The following TSPAN1 variants were observed in gnomAD, a reference collection of about 807,000 sequenced individuals.
The protein encoded by TSPAN1 is tetraspanin-1.
A neutral mutation model predicts 26.9 loss-of-function variants in TSPAN1; 23 were observed. The observed-to-expected ratio is 0.85, with a 90% CI of 0.62 to 1.21. The LOEUF is 1.21. Ranked by LOEUF, TSPAN1 falls within the 50% of genes most tolerant of loss-of-function variation. The probability of loss-of-function intolerance (pLI) is 0.00; values close to 1 mark genes in which losing one functional copy is unlikely to be tolerated. For missense variants in TSPAN1, 283 were observed against 298.4 expected (o/e 0.95, Z 0.38); for synonymous variants, 115 against 114.8 (o/e 1.00, Z -0.01).
chr1:46,187,841 C>A (rs751753883), downstream of TSPAN1, among the ~76,000 whole-genome samples: 48 of 152,174 alleles, frequency 3.2e-4, no homozygotes, highest in Non-Finnish European at 6.9e-4. Context: ...CATGCTGTCA[C>A]CGAGTTGGGC....
rs759868756 is a variant in TSPAN1, at chr1:46,184,638, TGCTGTGGTCGCCTTGGTGTACACCAC to T, written c.310_335del (p.Ala104AsnfsTer3). 2.4e-5 allele frequency: 39 copies of T among 1,614,232 alleles called. No homozygotes were observed. The Admixed American group carries it at 4.8e-4, about 20-fold the overall frequency. ...TCATCTTCATTGCTGAGGTTGCAGCTGCTGTGGTCGCCTTGGTGTACACCACAATGGTGAGACACTGGGATGGAGGA... is the reference window on the plus strand; with the variant it reads ...TCATCTTCATTGCTGAGGTTGCAGCTAATGGTGAGACACTGGGATGGAGGA... On this transcript the variant is annotated frameshift_variant, in exon 5 of 9. Coordinates refer to ENST00000372003, the MANE Select transcript of TSPAN1 (RefSeq NM_005727.4). LOFTEE classifies it high-confidence loss of function.
At chr1:46,188,771 C>T (rs866924336), downstream of TSPAN1, 1 of 1,612,816 alleles carries the variant, frequency 6.2e-7, no homozygotes, top group African/African-American at 1.3e-5. Flanking sequence ...AGGCCTGGTC[C>T]AGTGTCTAAG....
In TSPAN1 at chr1:46,183,081, C is replaced by T. The variant is rs148429535; in HGVS notation, c.58-1110C>T. On this transcript the variant is annotated intron_variant, in intron 3 of 8. Coordinates refer to ENST00000372003, the MANE Select transcript of TSPAN1 (RefSeq NM_005727.4). ...TCTCCCACCTCTGCCTCCCAAAGTG[C>T]GGGGATTACAGGCATGAGCCACTGT... Among the ~76,000 whole-genome samples, 129 of 152,224 alleles carry T rather than the reference C, an allele frequency of 8.5e-4. 1 individual carries two copies. The highest frequency in any genetic ancestry group is 2.9e-3 in the African/African-American group (121 of 41,548).
At chr1:46,192,525 T>G in the TSPAN1 span, 1 of 1,614,194 alleles carries the variant, frequency 6.2e-7, no homozygotes, top group Non-Finnish European at 8.5e-7. Context: ...TACCTGGTCA[T>G]TCCAGGCAGA....
chr1:46,176,128 G>A (rs1032921840), intron 1 of TSPAN1: 1 of 1,347,750 alleles, frequency 7.4e-7, no homozygotes, highest in Non-Finnish European at 1.0e-6. Flanking sequence ...GCCCGCCTTG[G>A]CCTCCCAAAG....
At chr1:46,178,533 C>T (rs1055333578) in intron 1 of TSPAN1, among the ~76,000 whole-genome samples, 3 of 152,030 alleles carry the variant, frequency 2.0e-5, no homozygotes, top group Non-Finnish European at 4.4e-5. Flanking sequence ...CCATCCCCTC[C>T]TCCAGCCTCT....
At chr1:46,189,100 G>A, downstream of TSPAN1, 1 of 1,500,932 alleles carries the variant, frequency 6.7e-7, no homozygotes, top group Non-Finnish European at 8.9e-7. Context: ...CTCAGGAACG[G>A]GGTGTTGGAG....
chr1:46,175,872 G>GT (rs34832129), intron 1 of TSPAN1: 30,352 of 306,152 alleles, frequency 0.099, 4 homozygotes, highest in East Asian at 0.22. Flanking sequence ...ACTGGCTCTG[G>GT]TTTTTTTTTT....
downstream of TSPAN1, chr1:46,190,339 C>G: frequency 8.1e-7 from 1 of 1,232,398 alleles, no homozygotes; most frequent in Non-Finnish European, 1.2e-6. Context: ...CCACCGCGCC[C>G]GGCCTGAAGT....
intron 1 of TSPAN1, among the ~76,000 whole-genome samples, chr1:46,176,049 G>A (rs1296766705): frequency 6.6e-6 from 1 of 151,896 alleles, no homozygotes; most frequent in South Asian, 2.1e-4. Flanking sequence ...ATTTTTTTTT[G>A]TATTTTTAGT....
At chr1:46,195,920 T>G in the TSPAN1 span, 1 of 1,614,114 alleles carries the variant, frequency 6.2e-7, no homozygotes, top group Non-Finnish European at 8.5e-7. Context: ...TGCCATCACG[T>G]GGCCCTGGCA....
intron 2 of TSPAN1, 129 bp downstream of exon 2, chr1:46,180,787 T>C: frequency 2.4e-6 from 1 of 415,564 alleles, no homozygotes. Context: ...GCACAGGATA[T>C]ACAGGTGCTA....
At chr1:46,190,976 C>T in the TSPAN1 span, 6 of 608,212 alleles carry the variant, frequency 9.9e-6, no homozygotes, top group Non-Finnish European at 1.5e-5. Flanking sequence ...ATTTGGCCTC[C>T]ACCATTGCTG....
the TSPAN1 span, chr1:46,192,462 G>A: frequency 1.2e-6 from 2 of 1,614,012 alleles, no homozygotes; most frequent in Non-Finnish European, 1.7e-6. Flanking sequence ...CATAGTGGGA[G>A]GTATTAGCTG....
chr1:46,195,738 G>T, the TSPAN1 span: 1 of 1,319,738 alleles, frequency 7.6e-7, no homozygotes, highest in Middle Eastern at 2.5e-4. Flanking sequence ...TTATATGAGG[G>T]GCAGAGAAGC....
At chr1:46,184,515 T>C in intron 4 of TSPAN1, 79 bp from the exon 5 acceptor site, 1 of 1,603,316 alleles carries the variant, frequency 6.2e-7, no homozygotes, top group Non-Finnish European at 8.5e-7. Flanking sequence ...CTGTCTCACT[T>C]TTCCGGGGGG....
rs781517720 is a variant in TSPAN1 at position 46,185,510 on chromosome 1, T to C, written c.703T>C (p.Tyr235His). 4.3e-6 allele frequency: 7 copies of C among 1,614,116 alleles called. No individual in the cohort carries two copies. In the African/African-American group the frequency reaches 5.3e-5, roughly 12 times the overall value. ...LELAAMIVSM[Y>H]LYCNLQ is the part of the protein sequence containing the mutation. ...GCTGGCTGCCATGATTGTGTCCATG[T>C]ATCTGTACTGCAATCTACAATAAGT... is the stretch of plus-strand genomic sequence containing the variant. Residue 235 changes from tyrosine to histidine, a missense_variant, in exon 9 of 9, where the codon TAT becomes CAT. Coordinates refer to ENST00000372003, the MANE Select transcript of TSPAN1 (RefSeq NM_005727.4).
chr1:46,193,194 C>T, the TSPAN1 span: 1 of 1,614,194 alleles, frequency 6.2e-7, no homozygotes, highest in South Asian at 1.1e-5. Flanking sequence ...TTGAAAGTGG[C>T]AGTGAGGCTG....
downstream of TSPAN1, among the ~76,000 whole-genome samples, chr1:46,186,807 C>T (rs1019748190): frequency 8.6e-5 from 13 of 151,850 alleles, no homozygotes; most frequent in Admixed American, 2.0e-4. Context: ...GCACTACAGG[C>T]GCCCGCCACC....
Sources: allele counts gnomAD v4.1 joint callset (sites outside exome capture counted in the v4.1 genomes callset), GRCh38; gene constraint gnomAD v4.1.1; transcripts MANE v1.5; gene names NCBI Gene and HGNC (gene_info 2026-07-23, HGNC 2026-07-21).